Variants in ASAP2 observed in about 807,000 individuals in gnomAD.
ASAP2 encodes arf-GAP with SH3 domain, ANK repeat and PH domain-containing protein 2.
In ASAP2, 45 loss-of-function variants were observed where a neutral mutation model predicts 131.4. That is an observed-to-expected ratio of 0.34 (90% confidence interval 0.27 to 0.44). ASAP2 has a LOEUF of 0.44. ASAP2 is among the 20% of genes least tolerant of loss of function. The pLI is 1.00. For synonymous variants in ASAP2, 510 were observed against 503.0 expected, an observed-to-expected ratio of 1.01 and a Z score of -0.19; for missense variants, 1,011 against 1,297.0, an observed-to-expected ratio of 0.78 and a Z score of 3.39.
At chr2:9,235,956 G>A (rs1663522282) in intron 1 of ASAP2, among the ~76,000 whole-genome samples, 1 of 152,180 alleles carries the variant, frequency 6.6e-6, no homozygotes, top group African/African-American at 2.4e-5. Context: ...GATCTGCCAG[G>A]ACTGGGGACT....
chr2:9,335,447 C>T (rs1386115995), intron 9 of ASAP2, among the ~76,000 whole-genome samples: 1 of 152,196 alleles, frequency 6.6e-6, no homozygotes, highest in Non-Finnish European at 1.5e-5. Flanking sequence ...AGATAAGGAG[C>T]TCTCAGTGGC....
rs1215057921 is a variant in ASAP2 at position 9,232,128 on chromosome 2, G to A, written c.126+24898G>A. On this transcript the variant is annotated intron_variant, in intron 1 of 27. Transcript: ENST00000281419. The surrounding 1 kb of genome is among the most constrained non-coding windows in gnomAD (Gnocchi z 4.1). ...TCTTTAGCTTCTCAGCTGAAGACAC[G>A]TTGGTGGCTTCCCTGACCTTTTGGA... Among the ~76,000 whole-genome samples, 4 of 152,212 alleles carry A rather than the reference G, an allele frequency of 2.6e-5. No homozygotes were observed. The highest frequency in any genetic ancestry group is 4.8e-5 in the African/African-American group (2 of 41,458).
At chr2:9,384,984 A>C (rs1331736058) in intron 20 of ASAP2, among the ~76,000 whole-genome samples, 1 of 152,254 alleles carries the variant, frequency 6.6e-6, no homozygotes, top group Non-Finnish European at 1.5e-5. Context: ...AGACTGTAAC[A>C]AGGGATTTGA....
At chr2:9,380,005 A>T (rs758236486) in intron 19 of ASAP2, among the ~76,000 whole-genome samples, 4,548 of 126,764 alleles carry the variant, frequency 0.036, 217 homozygotes, top group African/African-American at 0.17. Context: ...AAAAAAAAAT[A>T]AATAAAGTAT....
At chr2:9,368,599 A>G in intron 16 of ASAP2, 80 bp downstream of exon 16, 1 of 1,210,940 alleles carries the variant, frequency 8.3e-7, no homozygotes. Flanking sequence ...GGGAATAAGA[A>G]GTTTTGGGTG....
chr2:9,214,058 T>C (rs764705379), intron 1 of ASAP2, among the ~76,000 whole-genome samples: 8 of 152,218 alleles, frequency 5.3e-5, no homozygotes, highest in Non-Finnish European at 1.2e-4. Context: ...TTATGGGCAT[T>C]GTCAGATGCC....
intron 20 of ASAP2, among the ~76,000 whole-genome samples, chr2:9,384,845 A>G (rs1056335980): frequency 1.3e-5 from 2 of 151,964 alleles, no homozygotes; most frequent in African/African-American, 4.8e-5. Flanking sequence ...ACAGGGTGAG[A>G]CCCTCTCTGG....
chr2:9,371,585 A>T (rs952029737), intron 16 of ASAP2, among the ~76,000 whole-genome samples: 2 of 152,084 alleles, frequency 1.3e-5, no homozygotes, highest in African/African-American at 2.4e-5. Context: ...AACCAAGGAC[A>T]CCCTCTAGTG....
intron 12 of ASAP2, among the ~76,000 whole-genome samples, chr2:9,353,866 T>G (rs1175087768): frequency 6.6e-6 from 1 of 152,120 alleles, no homozygotes; most frequent in African/African-American, 2.4e-5. Context: ...TCCAAGCTAC[T>G]TGGGAGGCTG....
At position 9,250,998 on chromosome 2, in the gene ASAP2, A is replaced by C. The variant is rs560925407; in HGVS notation, c.127-28319A>C. Among the ~76,000 whole-genome samples the C allele has an allele frequency of 4.6e-5, 7 of 152,354 alleles. No individual in the cohort carries two copies. The South Asian group carries it at 1.2e-3, about 27-fold the overall frequency. ...ATGGGAACCCGGAGTGGGCAGGCTC[A>C]CCAAGGAGGTGGCATTTGGGTGGAT... On this transcript the variant is annotated intron_variant, in intron 1 of 27. Coordinates refer to ENST00000281419, the MANE Select transcript of ASAP2 (RefSeq NM_003887.3).
chr2:9,227,847 A>G (rs751303436), intron 1 of ASAP2, among the ~76,000 whole-genome samples: 5 of 152,244 alleles, frequency 3.3e-5, no homozygotes, highest in Non-Finnish European at 5.9e-5. Context: ...AGGTTCATAT[A>G]TGCATTGTTT....
intron 1 of ASAP2, among the ~76,000 whole-genome samples, chr2:9,218,404 G>A (rs1317848778): frequency 9.2e-5 from 14 of 152,228 alleles, no homozygotes. Context: ...CTGTCACTGT[G>A]TGACAAGGAC....
intron 11 of ASAP2, among the ~76,000 whole-genome samples, chr2:9,349,163 G>A (rs1453742889): frequency 6.6e-6 from 1 of 152,176 alleles, no homozygotes; most frequent in Non-Finnish European, 1.5e-5. Flanking sequence ...AATAAAAATA[G>A]CTGAGTAAAT....
intron 1 of ASAP2, among the ~76,000 whole-genome samples, chr2:9,258,502 AGAG>A (rs1665336167): frequency 6.6e-6 from 1 of 152,188 alleles, no homozygotes; most frequent in Non-Finnish European, 1.5e-5. Context: ...CTAGAAGCTC[AGAG>A]GAGAAGTGGC....
At chr2:9,338,960 T>C (rs571888209) in intron 9 of ASAP2, among the ~76,000 whole-genome samples, 2 of 152,230 alleles carry the variant, frequency 1.3e-5, no homozygotes, top group East Asian at 3.9e-4. Context: ...GGTGGATTGC[T>C]TGAGTCCAGG....
At chr2:9,323,526 A>G (rs1670286605) in intron 6 of ASAP2, among the ~76,000 whole-genome samples, 1 of 152,232 alleles carries the variant, frequency 6.6e-6, no homozygotes, top group Admixed American at 6.5e-5. Context: ...TACTCTTGCT[A>G]AAATATTTAT....
Position 9,311,720 on chromosome 2 carries a change from G to A in ASAP2, c.346-6804G>A, listed in dbSNP as rs915244598. On this transcript the variant is annotated intron_variant, in intron 3 of 27. Transcript: ENST00000281419. This position sits in a 1 kb window ranked among gnomAD's most constrained non-coding sequence, Gnocchi z 5.2. Reference sequence around the variant, plus strand: ...TGGCTCGTTCGGCTGCGGGCCTGAGGCTGCTGGACACACAGAGGAAGCCCA... The same window carrying A: ...TGGCTCGTTCGGCTGCGGGCCTGAGACTGCTGGACACACAGAGGAAGCCCA... Among the ~76,000 whole-genome samples, 4 of 152,202 alleles carry A rather than the reference G, an allele frequency of 2.6e-5. No homozygotes were observed. Among genetic ancestry groups the A allele is most frequent in the South Asian group, 2.1e-4 (1 of 4,834 alleles).
At chr2:9,294,380 G>A (rs1174886542) in intron 2 of ASAP2, among the ~76,000 whole-genome samples, 7 of 152,158 alleles carry the variant, frequency 4.6e-5, no homozygotes, top group Admixed American at 3.9e-4. Flanking sequence ...GATAAGGAGT[G>A]CTTTTGTATT....
At chr2:9,395,777 T>G (rs1676099032) in intron 24 of ASAP2, among the ~76,000 whole-genome samples, 1 of 151,290 alleles carries the variant, frequency 6.6e-6, no homozygotes, top group South Asian at 2.1e-4. Flanking sequence ...CTGGCCAATT[T>G]TTTATATTTT....
Sources: allele counts gnomAD v4.1 joint callset (sites outside exome capture counted in the v4.1 genomes callset), GRCh38; gene constraint gnomAD v4.1.1; non-coding constraint Gnocchi (gnomAD v3.1); transcripts MANE v1.5; gene names NCBI Gene and HGNC (gene_info 2026-07-23, HGNC 2026-07-21).